The following ZFP69B variants were observed in gnomAD, a reference collection of about 807,000 sequenced individuals.
The protein encoded by ZFP69B is zinc finger protein 69 homolog B.
ZFP69B carries 20 observed loss-of-function variants against 19.7 expected under a neutral mutation model. The observed-to-expected ratio is 1.02, with a 90% confidence interval of 0.71 to 1.48. ZFP69B has a LOEUF of 1.48. Among genes scored for constraint, ZFP69B ranks in the 40% most tolerant of loss-of-function variants. The pLI is 0.00. For missense variants in ZFP69B, 583 were observed against 632.6 expected, an observed-to-expected ratio of 0.92 and a Z score of 0.84; for synonymous variants, 220 against 222.7, an observed-to-expected ratio of 0.99 and a Z score of 0.11.
At chr1:40,462,290 C>T in intron 4 of ZFP69B, 131 bp from the exon 5 acceptor site, 1 of 826,366 alleles carries the variant, frequency 1.2e-6, no homozygotes, top group Non-Finnish European at 1.8e-6. Flanking sequence ...CTCTAGACGG[C>T]AGAATCACAT....
chr1:40,456,199 T>C (rs926322871), intron 2 of ZFP69B, among the ~76,000 whole-genome samples: 3 of 152,172 alleles, frequency 2.0e-5, no homozygotes, highest in African/African-American at 4.8e-5. Flanking sequence ...TCCACAATGG[T>C]TGAACTAATT....
At chr1:40,455,580 G>C (rs1645225083) in intron 2 of ZFP69B, among the ~76,000 whole-genome samples, 2 of 152,054 alleles carry the variant, frequency 1.3e-5, no homozygotes. Flanking sequence ...GCTTTTGGGA[G>C]GTTTTTGTTT....
In ZFP69B at chr1:40,457,394, G is replaced by C. The variant is rs1645243840; in HGVS notation, c.391G>C (p.Glu131Gln). The change falls in exon 4 of 5, where the codon GAA (glutamate) becomes CAA (glutamine). Residue 131 changes from glutamate (E) to glutamine (Q), a missense_variant. Coordinates refer to ENST00000361584, the MANE Select transcript of ZFP69B (RefSeq NM_023070.3). ...GVISQLEKGE[E>Q]PWLMERDISG... Reference sequence around the variant, plus strand: ...GATTTCCCAGTTGGAGAAAGGAGAAGAACCATGGCTGATGGAGAGAGATAT... The same window carrying C: ...GATTTCCCAGTTGGAGAAAGGAGAACAACCATGGCTGATGGAGAGAGATAT... The C allele has an allele frequency of 6.2e-7, 1 of 1,614,038 alleles. No homozygotes were observed. The highest frequency in any genetic ancestry group is 1.3e-5 in the African/African-American group (1 of 74,922).
intron 1 of ZFP69B, among the ~76,000 whole-genome samples, chr1:40,453,913 A>G (rs923816505): frequency 3.9e-5 from 6 of 152,120 alleles, no homozygotes; most frequent in African/African-American, 1.2e-4. Flanking sequence ...AAAGAAATCT[A>G]TATTGAAGTG....
chr1:40,457,767 C>T (rs1434206100), intron 4 of ZFP69B, among the ~76,000 whole-genome samples: 1 of 152,196 alleles, frequency 6.6e-6, no homozygotes, highest in African/African-American at 2.4e-5. Context: ...ACACAGGTCT[C>T]TCCTCATTAA....
intron 2 of ZFP69B, among the ~76,000 whole-genome samples, chr1:40,455,752 C>T (rs777645705): frequency 7.9e-5 from 12 of 152,220 alleles, no homozygotes; most frequent in Middle Eastern, 6.8e-3. Flanking sequence ...TGCTATCCCT[C>T]CCCTAGCCCC....
intron 1 of ZFP69B, among the ~76,000 whole-genome samples, chr1:40,453,281 T>C (rs1645202787): frequency 6.6e-6 from 1 of 152,106 alleles, no homozygotes; most frequent in African/African-American, 2.4e-5. Flanking sequence ...TTTTAATACC[T>C]CAATTCAGCC....
chr1:40,463,033 T>C lies in ZFP69B; in HGVS notation c.1049T>C (p.Leu350Pro). The C allele has an allele frequency of 6.2e-7, 1 of 1,614,180 alleles. No individual in the cohort carries two copies. The change falls in exon 5 of 5, where the codon CTT becomes CCT. Residue 350 changes from leucine (L) to proline (P), a missense_variant. Physicochemically the swap from Leu to Pro is moderately conservative, Grantham distance 98. Coordinates refer to ENST00000361584, the MANE Select transcript of ZFP69B (RefSeq NM_023070.3). ...CGKTFRHPSSLTQHVRIHTGE... is the reference protein window; with the variant it reads ...CGKTFRHPSSPTQHVRIHTGE... ...AAAACCTTCAGACATCCTTCATCGC[T>C]TACTCAACATGTTAGAATTCATACC...
chr1:40,458,512 GTT>G (rs11343581), intron 4 of ZFP69B, among the ~76,000 whole-genome samples: 51 of 139,248 alleles, frequency 3.7e-4, no homozygotes, highest in Middle Eastern at 3.6e-3. Context: ...TGGAGAAATT[GTT>G]TTTTTTTTTT....
chr1:40,450,258 G>A (rs1181626289), upstream of ZFP69B: 1 of 152,294 alleles, frequency 6.6e-6, no homozygotes, highest in African/African-American at 2.4e-5. Flanking sequence ...TGTCGCGCGC[G>A]GTGCTCTCCG....
Position 40,450,984 on chromosome 1 carries a change from C to T in ZFP69B, c.23C>T (p.Thr8Ile). The change falls in exon 1 of 5, where the codon ACC becomes ATC. Residue 8 changes from threonine (T) to isoleucine (I), a missense_variant. Thr to Ile is a moderately conservative substitution (Grantham distance 89). Transcript: ENST00000361584. Reference sequence around the variant, plus strand: ...GTCATGCTGCAGCAGCTCCTGATCACCCTGCCCACCGAGGCCAGCACCTGG... The same window carrying T: ...GTCATGCTGCAGCAGCTCCTGATCATCCTGCCCACCGAGGCCAGCACCTGG... The part of the protein sequence containing the change: MLQQLLI[T>I]LPTEASTWVK... 1.3e-6 allele frequency: 2 copies of T among 1,550,274 alleles called. No individual in the cohort carries two copies. The highest frequency in any genetic ancestry group is 1.7e-6 in the Non-Finnish European group (2 of 1,146,408).
rs368099327 is a variant in ZFP69B, at chr1:40,451,019, C to T, written c.58C>T (p.Arg20Cys). The T allele has an allele frequency of 2.8e-5, 43 of 1,550,132 alleles. 2 individuals carry two copies. The Middle Eastern group carries it at 5.0e-4, about 18-fold the overall frequency. ...PTEASTWVKL[R>C]HPKAATERVA... Reference sequence around the variant, plus strand: ...CGAGGCCAGCACCTGGGTGAAGTTGCGTCATCCAAAGGCGGCCACGGAGCG... The same window carrying T: ...CGAGGCCAGCACCTGGGTGAAGTTGTGTCATCCAAAGGCGGCCACGGAGCG... The change falls in exon 1 of 5, where the codon CGT (arginine) becomes TGT (cysteine). Residue 20 changes from arginine to cysteine, a missense_variant. Physicochemically the swap from Arg to Cys is radical, Grantham distance 180. Transcript: ENST00000361584.
At chr1:40,451,285 A>C (rs1485098711) in intron 1 of ZFP69B, among the ~76,000 whole-genome samples, 197 bp downstream of exon 1, 2 of 152,088 alleles carry the variant, frequency 1.3e-5, no homozygotes, top group Non-Finnish European at 2.9e-5. Context: ...TTTCAGTGTC[A>C]TGGTTATGTA....
Position 40,450,935 on chromosome 1 carries a change from T to C in ZFP69B, c.-27T>C, listed in dbSNP as rs1645179873. ...AAGCCCTATGGGCTAAGACAGAGGG[T>C]CCTCAGAAAGGAGTGCGGACGCCGT... On this transcript the variant is annotated 5_prime_UTR_variant, in exon 1 of 5. Transcript: ENST00000361584. 1.3e-6 allele frequency: 2 copies of C among 1,529,684 alleles called. No individual in the cohort carries two copies. Among genetic ancestry groups the C allele is most frequent in the Admixed American group, 2.1e-5 (1 of 48,282 alleles). 94.8% of individuals were successfully genotyped at this position (1,529,684 alleles called of 1,614,324 possible).
Position 40,456,943 on chromosome 1 carries a change from A to G in ZFP69B, c.214-2A>G, listed in dbSNP as rs746541171. 5.6e-6 allele frequency: 9 copies of G among 1,612,836 alleles called. No homozygotes were observed. The highest frequency in any genetic ancestry group is 1.1e-5 in the South Asian group (1 of 90,952). ...TGAAAAGGAACGTATTTGATGTTCT[A>G]GGAACTGTTAACCTTCAAGGACGTA... is the stretch of plus-strand genomic sequence containing the variant. On this transcript the variant is annotated splice_acceptor_variant, in intron 2 of 4. Transcript: ENST00000361584. LOFTEE classifies it high-confidence loss of function.
intron 4 of ZFP69B, among the ~76,000 whole-genome samples, chr1:40,459,775 G>C (rs890441144): frequency 2.0e-5 from 3 of 151,976 alleles, no homozygotes; most frequent in African/African-American, 7.3e-5. Context: ...AAACATCTCT[G>C]CTTGCTTTTT....
intron 1 of ZFP69B, among the ~76,000 whole-genome samples, chr1:40,451,616 C>T (rs1477485789): frequency 6.8e-6 from 1 of 147,902 alleles, no homozygotes; most frequent in African/African-American, 2.5e-5. Context: ...AGTAAAATTC[C>T]ACATGATCAC....
chr1:40,451,148 A>G (rs1252634780), intron 1 of ZFP69B, 60 bp downstream of exon 1: 1 of 1,432,568 alleles, frequency 7.0e-7, no homozygotes, highest in Non-Finnish European at 9.2e-7. Flanking sequence ...GTGAGAAGGA[A>G]TGAGTCACTT....
chr1:40,454,241 A>T lies in ZFP69B; in HGVS notation c.166A>T (p.Ser56Cys), dbSNP rs1046580418. The T allele has an allele frequency of 6.2e-6, 10 of 1,605,046 alleles. No homozygotes were observed. The Middle Eastern group carries it at 8.3e-4, about 133-fold the overall frequency. ...GGATGCTGATGAGACCCAGGGCGAA[A>T]GTTTAGAGAGTAGAGTGACCCTTGG... ...SQDADETQGESLESRVTLGSL... is the reference protein window; with the variant it reads ...SQDADETQGECLESRVTLGSL... Residue 56 changes from serine to cysteine, a missense_variant, in exon 2 of 5, where the codon AGT (serine) becomes TGT (cysteine). Coordinates refer to ENST00000361584, the MANE Select transcript of ZFP69B (RefSeq NM_023070.3).
Sources: allele counts gnomAD v4.1 joint callset (sites outside exome capture counted in the v4.1 genomes callset), GRCh38; gene constraint gnomAD v4.1.1; transcripts MANE v1.5; gene names NCBI Gene and HGNC (gene_info 2026-07-23, HGNC 2026-07-21).